The following TRAPPC12 variants were observed in gnomAD, a reference collection of about 807,000 sequenced individuals.
The protein encoded by TRAPPC12 is TPR repeat protein 15.
In TRAPPC12, 61 loss-of-function variants were observed where a neutral mutation model predicts 69.2. That is an observed-to-expected ratio of 0.88 (90% CI 0.72 to 1.09). The LOEUF is 1.09. TRAPPC12 is among the 50% of genes least tolerant of loss of function. TRAPPC12 has a pLI of 0.00. For missense variants in TRAPPC12, 1,101 were observed against 1,016.4 expected (o/e 1.08, Z -1.13); for synonymous variants, 469 against 438.9 (o/e 1.07, Z -0.86).
At chr2:3,475,387 A>G (rs1184822653) in intron 9 of TRAPPC12, among the ~76,000 whole-genome samples, 1 of 151,872 alleles carries the variant, frequency 6.6e-6, no homozygotes, top group East Asian at 1.9e-4. Context: ...GGCTGAGATT[A>G]CAGGTGTGAG....
At chr2:3,389,247 C>G (rs1372725497) in intron 2 of TRAPPC12, among the ~76,000 whole-genome samples, 1 of 152,230 alleles carries the variant, frequency 6.6e-6, no homozygotes, top group African/African-American at 2.4e-5. Flanking sequence ...CTGCCCAGGC[C>G]TCTCTCGGCC....
rs748441197 is a variant in TRAPPC12 at position 3,388,548 on chromosome 2, G to C, written c.925G>C (p.Ala309Pro). The C allele has an allele frequency of 6.2e-7, 1 of 1,613,074 alleles. No homozygotes were observed. Among genetic ancestry groups the C allele is most frequent in the East Asian group, 2.2e-5 (1 of 44,850 alleles). Reference sequence around the variant, plus strand: ...GAGCGAGATGGACCGGAGGAACGACGCCTGGCTTCCCGGCGAGGCTACGCG... The same window carrying C: ...GAGCGAGATGGACCGGAGGAACGACCCCTGGCTTCCCGGCGAGGCTACGCG... Reference protein sequence around the residue: ...SMSEMDRRNDAWLPGEATRGV... With the variant: ...SMSEMDRRNDPWLPGEATRGV... Residue 309 changes from alanine to proline, a missense_variant, in exon 2 of 12, where the codon GCC becomes CCC. By Grantham distance (27) the Ala-to-Pro change is conservative. Coordinates refer to ENST00000324266, the MANE Select transcript of TRAPPC12 (RefSeq NM_016030.6).
At chr2:3,396,030 A>G (rs1156234060) in intron 2 of TRAPPC12, among the ~76,000 whole-genome samples, 3 of 151,932 alleles carry the variant, frequency 2.0e-5, no homozygotes, top group Non-Finnish European at 4.4e-5. Flanking sequence ...ACGCCTGGCT[A>G]GTTCTTGTAT....
chr2:3,387,821 G>T lies in TRAPPC12; in HGVS notation c.198G>T (p.Met66Ile), dbSNP rs775282532. 38 of 1,612,716 alleles carry T rather than the reference G, an allele frequency of 2.4e-5. No individual in the cohort carries two copies. In the South Asian group the frequency reaches 3.8e-4, roughly 16 times the overall value. The change falls in exon 2 of 12, where the codon ATG (methionine) becomes ATT (isoleucine). Residue 66 changes from methionine (M) to isoleucine (I), a missense_variant. Met to Ile is a conservative substitution (Grantham distance 10). Transcript: ENST00000324266. ...TCGCGGACAAGCTGAACGAACACAT[G>T]ATGGAGAGCGTCCTCATCTCTGACT... is the stretch of plus-strand genomic sequence containing the variant. ...SPLADKLNEHMMESVLISDSP... is the reference protein window; with the variant it reads ...SPLADKLNEHIMESVLISDSP...
chr2:3,421,553 CAT>C, intron 3 of TRAPPC12: 1 of 513,006 alleles, frequency 1.9e-6, no homozygotes, highest in Non-Finnish European at 3.8e-6. Context: ...GGAAACCAGT[CAT>C]ATAGATTGAG....
intron 8 of TRAPPC12, among the ~76,000 whole-genome samples, 156 bp from the exon 9 acceptor site, chr2:3,465,441 C>T (rs773123469): frequency 3.3e-5 from 5 of 152,178 alleles, no homozygotes; most frequent in Admixed American, 1.3e-4. Context: ...CCCTGGCAGC[C>T]GAGCACCGCG....
intron 5 of TRAPPC12, among the ~76,000 whole-genome samples, chr2:3,429,680 C>A (rs1158280472): frequency 6.6e-6 from 1 of 152,020 alleles, no homozygotes; most frequent in Non-Finnish European, 1.5e-5. Flanking sequence ...TTTTACTTTA[C>A]TTTTTTTTCT....
At chr2:3,409,745 G>T (rs1402753883) in intron 3 of TRAPPC12, among the ~76,000 whole-genome samples, 364 of 41,204 alleles carry the variant, frequency 8.8e-3, no homozygotes, top group Non-Finnish European at 0.013. Flanking sequence ...GCAAGACTTT[G>T]TCTTTAAAAA....
At chr2:3,471,000 G>C (rs1666034320) in intron 9 of TRAPPC12, among the ~76,000 whole-genome samples, 1 of 152,074 alleles carries the variant, frequency 6.6e-6, no homozygotes, top group Non-Finnish European at 1.5e-5. Flanking sequence ...ATTTTGCATT[G>C]AATGTAGGTG....
At chr2:3,455,526 A>G (rs1279337050) in intron 6 of TRAPPC12, 1 of 152,088 alleles carries the variant, frequency 6.6e-6, no homozygotes, top group African/African-American at 2.4e-5. Flanking sequence ...GCCTCTGGTA[A>G]CCATCCTCCT....
chr2:3,395,979 C>T (rs974468200), intron 2 of TRAPPC12, among the ~76,000 whole-genome samples: 1 of 152,194 alleles, frequency 6.6e-6, no homozygotes, highest in Non-Finnish European at 1.5e-5. Flanking sequence ...ATCTGCTCAC[C>T]TCAGCTTCCC....
At chr2:3,399,730 C>T (rs1017078025) in intron 2 of TRAPPC12, among the ~76,000 whole-genome samples, 1 of 152,092 alleles carries the variant, frequency 6.6e-6, no homozygotes, top group Non-Finnish European at 1.5e-5. Context: ...TTAAGTGTCA[C>T]TATTTTGAAA....
At chr2:3,381,914 T>C (rs1363143570) in intron 1 of TRAPPC12, among the ~76,000 whole-genome samples, 1 of 152,254 alleles carries the variant, frequency 6.6e-6, no homozygotes, top group Non-Finnish European at 1.5e-5. Flanking sequence ...TCAACACTTT[T>C]GTTTAATTTA....
intron 5 of TRAPPC12, among the ~76,000 whole-genome samples, chr2:3,436,991 C>A (rs1295140996): frequency 3.0e-5 from 2 of 66,054 alleles, no homozygotes; most frequent in Non-Finnish European, 5.6e-5. Context: ...CTGGATTAAT[C>A]CCCCCATCAG....
chr2:3,438,405 C>G (rs1290870935), intron 5 of TRAPPC12, among the ~76,000 whole-genome samples: 1 of 123,108 alleles, frequency 8.1e-6, no homozygotes. Context: ...CTGGATTAAT[C>G]CCCCATCACG....
In TRAPPC12 at chr2:3,411,537, T is replaced by C. The variant is rs576407014; in HGVS notation, c.1164+9644T>C. 2.0e-5 allele frequency among the ~76,000 whole-genome samples: 3 copies of C among 152,398 alleles called. No individual in the cohort carries two copies. In the East Asian group the frequency reaches 5.8e-4, roughly 29 times the overall value. On this transcript the variant is annotated intron_variant, in intron 3 of 11. Coordinates refer to ENST00000324266, the MANE Select transcript of TRAPPC12 (RefSeq NM_016030.6). ...TATGTGTTATACGTATGTGTGTGCA[T>C]ATCTATACTATACATAGTGTGCATG...
intron 2 of TRAPPC12, among the ~76,000 whole-genome samples, chr2:3,389,437 G>A (rs1181729744): frequency 1.3e-5 from 2 of 152,270 alleles, no homozygotes; most frequent in African/African-American, 4.8e-5. Context: ...CTTGTAGCTG[G>A]ACCAGGCGTG....
intron 2 of TRAPPC12, among the ~76,000 whole-genome samples, chr2:3,395,193 C>T (rs1287108108): frequency 1.3e-5 from 2 of 152,046 alleles, no homozygotes; most frequent in African/African-American, 4.8e-5. Flanking sequence ...CAACTTTTTT[C>T]GATTTTTGCA....
intron 4 of TRAPPC12, 62 bp downstream of exon 4, chr2:3,422,056 A>C: frequency 1.5e-6 from 2 of 1,294,876 alleles, no homozygotes; most frequent in Non-Finnish European, 2.2e-6. Context: ...GGACATGGAC[A>C]GGACCATGGC....
Sources: gnomAD v4.1 joint callset for allele counts (sites outside exome capture counted in the v4.1 genomes callset) on GRCh38, gnomAD v4.1.1 for gene constraint, MANE v1.5 for transcripts, NCBI Gene and HGNC (gene_info 2026-07-23, HGNC 2026-07-21) for gene names.